Variants in MYSM1 observed in about 807,000 individuals in gnomAD.
The protein encoded by MYSM1 is deubiquitinase MYSM1.
A neutral mutation model predicts 116.0 loss-of-function variants in MYSM1; 51 were observed. The ratio of observed to expected loss-of-function variants is 0.44; its 90% CI spans 0.35 to 0.56. MYSM1 has a LOEUF of 0.56. MYSM1 is among the 20% of genes least tolerant of loss of function. The pLI, the probability that MYSM1 is intolerant of heterozygous loss-of-function variation, is 0.00. For synonymous variants in MYSM1, 313 were observed against 315.2 expected (o/e 0.99, Z 0.07); for missense variants, 900 against 974.9 (o/e 0.92, Z 1.02).
At chr1:58,688,310 T>C (rs991807037) in intron 6 of MYSM1, among the ~76,000 whole-genome samples, 1 of 151,650 alleles carries the variant, frequency 6.6e-6, no homozygotes, top group African/African-American at 2.4e-5. Context: ...TATACAAATA[T>C]TCTATATATG....
At chr1:58,667,994 A>AT (rs1367100647) in intron 14 of MYSM1, 73 bp from the exon 15 acceptor site, 11 of 1,028,516 alleles carry the variant, frequency 1.1e-5, no homozygotes, top group Non-Finnish European at 1.7e-5. Flanking sequence ...CTCACTTATC[A>AT]TAAGAAAGTC....
intron 8 of MYSM1, among the ~76,000 whole-genome samples, chr1:58,680,452 G>A (rs900682463): frequency 6.6e-6 from 1 of 152,172 alleles, no homozygotes; most frequent in Non-Finnish European, 1.5e-5. Context: ...GTTGTTCCTT[G>A]CAAGTATTCT....
intron 9 of MYSM1, among the ~76,000 whole-genome samples, chr1:58,676,405 G>GA (rs66986748): frequency 0.021 from 1,926 of 91,282 alleles, 45 homozygotes; most frequent in African/African-American, 0.071. Flanking sequence ...AACAGAGCGA[G>GA]AAAAAAAAAA....
At chr1:58,660,912 T>C (rs1199579985) in intron 19 of MYSM1, among the ~76,000 whole-genome samples, 1 of 152,144 alleles carries the variant, frequency 6.6e-6, no homozygotes, top group African/African-American at 2.4e-5. Flanking sequence ...ATGTTCTCCA[T>C]TGTGTATAAT....
chr1:58,695,450 T>C (rs1430546859), intron 1 of MYSM1, among the ~76,000 whole-genome samples: 1 of 152,214 alleles, frequency 6.6e-6, no homozygotes, highest in African/African-American at 2.4e-5. Context: ...TGCTCACTTC[T>C]TTTGGTTCTC....
chr1:58,692,479 G>C (rs1644917690), intron 3 of MYSM1: 1 of 157,420 alleles, frequency 6.4e-6, no homozygotes, highest in Non-Finnish European at 1.4e-5. Context: ...GAAGTGAGAA[G>C]AACTTTTACA....
In MYSM1 at chr1:58,688,289, TA is replaced by T. The variant is rs553314928; in HGVS notation, c.399+748del. 3.6e-3 allele frequency among the ~76,000 whole-genome samples: 549 copies of T among 151,820 alleles called. 5 individuals are homozygous for T. The highest frequency in any genetic ancestry group is 0.012 in the African/African-American group (492 of 41,486). On this transcript the variant is annotated intron_variant, in intron 6 of 19. Transcript: ENST00000472487. ...TTAATGATACTTCAATTAGCATACA[TA>T]AATTTTATATATACAAATATTCTAT...
At chr1:58,688,282 GCATA>G (rs1329795860) in intron 6 of MYSM1, among the ~76,000 whole-genome samples, 1 of 151,136 alleles carries the variant, frequency 6.6e-6, no homozygotes, top group Non-Finnish European at 1.5e-5. Context: ...ACTTCAATTA[GCATA>G]CATAAATTTT....
At chr1:58,675,356 A>G in intron 10 of MYSM1, 121 bp downstream of exon 10, 1 of 688,300 alleles carries the variant, frequency 1.5e-6, no homozygotes, top group South Asian at 2.0e-5. Flanking sequence ...GTGAAACACA[A>G]GAGGAAACAT....
intron 8 of MYSM1, among the ~76,000 whole-genome samples, chr1:58,680,643 CCCT>C (rs1445039717): frequency 6.6e-6 from 1 of 152,108 alleles, no homozygotes; most frequent in Non-Finnish European, 1.5e-5. Flanking sequence ...CCTTTGGTAA[CCCT>C]TCTAGGTTAC....
intron 3 of MYSM1, chr1:58,692,552 A>C (rs995642488): frequency 1.5e-5 from 3 of 200,404 alleles, no homozygotes; most frequent in Non-Finnish European, 2.0e-5. Flanking sequence ...TAACTTAAAA[A>C]TGCAAGCTTG....
At chr1:58,687,714 G>A (rs900750579) in intron 6 of MYSM1, among the ~76,000 whole-genome samples, 7 of 152,078 alleles carry the variant, frequency 4.6e-5, no homozygotes, top group South Asian at 2.1e-4. Context: ...ACACCACAAC[G>A]ACATCCCGCC....
At chr1:58,699,949 TC>T in intron 1 of MYSM1, 35 bp downstream of exon 1, 1 of 1,612,334 alleles carries the variant, frequency 6.2e-7, no homozygotes, top group South Asian at 1.1e-5. Context: ...TCCACTCCCC[TC>T]TCCGCCCCAG....
chr1:58,694,617 CAA>C (rs574682791), intron 2 of MYSM1, among the ~76,000 whole-genome samples: 5 of 136,080 alleles, frequency 3.7e-5, no homozygotes, highest in Admixed American at 1.5e-4. Flanking sequence ...GACTGCATCT[CAA>C]AAAAAAAAAA....
chr1:58,664,158 T>C (rs1013004859), intron 17 of MYSM1, among the ~76,000 whole-genome samples: 3 of 152,226 alleles, frequency 2.0e-5, no homozygotes, highest in East Asian at 1.9e-4. Flanking sequence ...AGCATCAGAA[T>C]TGAGGTTCAT....
intron 8 of MYSM1, among the ~76,000 whole-genome samples, chr1:58,678,994 T>C (rs1644697464): frequency 6.6e-6 from 1 of 152,176 alleles, no homozygotes; most frequent in South Asian, 2.1e-4. Flanking sequence ...GTCAAAAGGA[T>C]TGGAGATGAT....
rs772657193 is a variant in MYSM1 at position 58,677,062 on chromosome 1, T to C, written c.1260-6A>G. On this transcript the variant is annotated splice_polypyrimidine_tract_variant and splice_region_variant and intron_variant, in intron 8 of 19. Coordinates refer to ENST00000472487, the MANE Select transcript of MYSM1 (RefSeq NM_001085487.3). The stretch of plus-strand genomic sequence containing the variant: ...ATTTTGGTTTGCATATCTCCCTAAT[T>C]AAGAGACAGAAGTACAATTATTTTG... 3.9e-5 allele frequency: 62 copies of C among 1,591,360 alleles called. 1 individual carries two copies. In the South Asian group the frequency reaches 6.6e-4, roughly 17 times the overall value.
In MYSM1 at chr1:58,659,897, T is replaced by C. The variant is rs1644366492; in HGVS notation, c.*100A>G. ...TGGATTTTGTGAAATAGAGAAAAAA[T>C]ACCAAAGCTGTGCCAATGTTAACTA... is the stretch of plus-strand genomic sequence containing the variant. On this transcript the variant is annotated 3_prime_UTR_variant, in exon 20 of 20. Coordinates refer to ENST00000472487, the MANE Select transcript of MYSM1 (RefSeq NM_001085487.3). 2.5e-6 allele frequency: 2 copies of C among 796,374 alleles called. No homozygotes were observed. The highest frequency in any genetic ancestry group is 3.3e-5 in the Admixed American group (1 of 30,186). The allele number at this position is 796,374 out of a possible 1,614,324, so 49.3% of individuals were successfully genotyped here.
chr1:58,661,807 A>G (rs763658375), intron 17 of MYSM1, among the ~76,000 whole-genome samples: 31 of 152,088 alleles, frequency 2.0e-4, no homozygotes, highest in Admixed American at 1.6e-3. Flanking sequence ...ACCTAAACCA[A>G]GAGACTTTTT....
Sources: gnomAD v4.1 joint callset for allele counts (sites outside exome capture counted in the v4.1 genomes callset) on GRCh38, gnomAD v4.1.1 for gene constraint, MANE v1.5 for transcripts, NCBI Gene and HGNC (gene_info 2026-07-23, HGNC 2026-07-21) for gene names.